The following IMMP2L variants were observed in gnomAD, a reference collection of about 807,000 sequenced individuals.
IMMP2L encodes the protein inner mitochondrial membrane peptidase subunit 2.
A neutral mutation model predicts 19.3 loss-of-function variants in IMMP2L; 18 were observed. The ratio of observed to expected loss-of-function variants is 0.93; its 90% confidence interval spans 0.64 to 1.38. IMMP2L has a LOEUF of 1.38. Among genes scored for constraint, IMMP2L ranks in the 40% most tolerant of loss-of-function variants. IMMP2L has a pLI of 0.00. For missense variants in IMMP2L, 233 were observed against 218.2 expected (o/e 1.07, Z -0.43); for synonymous variants, 76 against 73.0 (o/e 1.04, Z -0.21).
intron 3 of IMMP2L, among the ~76,000 whole-genome samples, chr7:111,208,693 G>A (rs1337447532): frequency 1.3e-5 from 2 of 152,172 alleles, no homozygotes; most frequent in African/African-American, 4.8e-5. Context: ...AGTACACACG[G>A]ATGGGAGGCT....
At chr7:111,452,932 A>G (rs1218124524) in intron 3 of IMMP2L, among the ~76,000 whole-genome samples, 1 of 152,138 alleles carries the variant, frequency 6.6e-6, no homozygotes, top group Non-Finnish European at 1.5e-5. Flanking sequence ...GCAGGGATCT[A>G]CATCATTTTG....
At chr7:111,425,302 T>C (rs764076992) in intron 3 of IMMP2L, among the ~76,000 whole-genome samples, 59 of 144,980 alleles carry the variant, frequency 4.1e-4, no homozygotes, top group Non-Finnish European at 7.9e-4. Flanking sequence ...TGGGATGATG[T>C]TAATGTTCTG....
At chr7:111,073,711 T>C (rs1795152453) in intron 3 of IMMP2L, among the ~76,000 whole-genome samples, 2 of 152,194 alleles carry the variant, frequency 1.3e-5, no homozygotes, top group African/African-American at 4.8e-5. Flanking sequence ...AGAGGCATCT[T>C]CTGTTAACTC....
chr7:111,191,431 T>TACACACACACACAC (rs57414194), intron 3 of IMMP2L, among the ~76,000 whole-genome samples: 110 of 146,764 alleles, frequency 7.5e-4, no homozygotes, highest in Non-Finnish European at 9.6e-4. Flanking sequence ...GCTGCTCAAA[T>TACACACACACACAC]ACACACACAC....
chr7:111,393,960 T>G (rs922716757), intron 3 of IMMP2L, among the ~76,000 whole-genome samples: 1 of 152,124 alleles, frequency 6.6e-6, no homozygotes, highest in Admixed American at 6.6e-5. Context: ...TTTTCAAAAT[T>G]TCCTCCTTTA....
intron 3 of IMMP2L, among the ~76,000 whole-genome samples, chr7:111,021,779 A>T (rs550338324): frequency 6.6e-6 from 1 of 152,290 alleles, no homozygotes; most frequent in Non-Finnish European, 1.5e-5. Flanking sequence ...GCTACTCAGG[A>T]GGCTGAGGCA....
chr7:110,982,641 T>G (rs1011814394), intron 3 of IMMP2L, among the ~76,000 whole-genome samples: 1 of 152,118 alleles, frequency 6.6e-6, no homozygotes, highest in African/African-American at 2.4e-5. Flanking sequence ...CCACTGTGAC[T>G]GTACAAGTAT....
chr7:111,051,737 A>G (rs1272514805), intron 3 of IMMP2L, among the ~76,000 whole-genome samples: 1 of 152,226 alleles, frequency 6.6e-6, no homozygotes, highest in East Asian at 1.9e-4. Flanking sequence ...ATACATTGAA[A>G]CATTCTTTTA....
chr7:111,227,348 T>G (rs1028768563), intron 3 of IMMP2L, among the ~76,000 whole-genome samples: 1 of 152,120 alleles, frequency 6.6e-6, no homozygotes, highest in Non-Finnish European at 1.5e-5. Flanking sequence ...TTCCCAAACT[T>G]CTTCTTCCAA....
intron 3 of IMMP2L, among the ~76,000 whole-genome samples, chr7:111,385,772 G>A (rs1357292770): frequency 1.3e-5 from 2 of 152,116 alleles, no homozygotes; most frequent in Non-Finnish European, 2.9e-5. Flanking sequence ...CCAGGTCACT[G>A]TCTTCATCTA....
At chr7:111,148,302 C>T (rs1460836737) in intron 3 of IMMP2L, among the ~76,000 whole-genome samples, 1 of 151,970 alleles carries the variant, frequency 6.6e-6, no homozygotes, top group Non-Finnish European at 1.5e-5. Context: ...ATAGTGAAAA[C>T]AGGCAAATCT....
In IMMP2L at chr7:110,694,195, G is replaced by GA. The variant is rs201604392; in HGVS notation, c.409-30475dup. The stretch of plus-strand genomic sequence containing the variant: ...ATTCAAGTTTTTACCTTTGAACAAA[G>GA]AAAAAAAAATAACATACAAGTGAAT... On this transcript the variant is annotated intron_variant, in intron 5 of 5. Coordinates refer to ENST00000405709, the MANE Select transcript of IMMP2L (RefSeq NM_032549.4). Among the ~76,000 whole-genome samples the GA allele has an allele frequency of 5.2e-3, 774 of 150,042 alleles. 6 individuals are homozygous for GA. The highest frequency in any genetic ancestry group is 0.018 in the African/African-American group (721 of 40,920).
chr7:111,220,672 C>T (rs1812416291), intron 3 of IMMP2L, among the ~76,000 whole-genome samples: 1 of 151,776 alleles, frequency 6.6e-6, no homozygotes, highest in Non-Finnish European at 1.5e-5. Flanking sequence ...GATATACACA[C>T]ACATATATTT....
chr7:111,387,847 G>A (rs542665100), intron 3 of IMMP2L, among the ~76,000 whole-genome samples: 8 of 151,394 alleles, frequency 5.3e-5, no homozygotes, highest in Non-Finnish European at 8.9e-5. Context: ...ATGGTGGCGC[G>A]TGCCTGCAGT....
intron 3 of IMMP2L, among the ~76,000 whole-genome samples, chr7:111,299,791 A>G (rs1449097905): frequency 6.6e-6 from 1 of 151,992 alleles, no homozygotes. Context: ...ATACTTGCAT[A>G]TGGTCTGTTT....
In IMMP2L at chr7:111,359,543, C is replaced by T. The variant is rs148505223; in HGVS notation, c.239+127695G>A. On this transcript the variant is annotated intron_variant, in intron 3 of 5. Transcript: ENST00000405709. ...TCTGGAACTCCTGACCCCAAGTAAC[C>T]CACCTGCCTCAGCCTCCCAAAGTGC... Among the ~76,000 whole-genome samples, 902 of 152,012 alleles carry T rather than the reference C, an allele frequency of 5.9e-3. 17 individuals are homozygous for T. The highest frequency in any genetic ancestry group is 0.021 in the African/African-American group (854 of 41,468).
chr7:111,041,287 G>C (rs1230720536), intron 3 of IMMP2L, among the ~76,000 whole-genome samples: 1 of 151,964 alleles, frequency 6.6e-6, no homozygotes, highest in Admixed American at 6.6e-5. Context: ...CAGAAAAAAA[G>C]GCCTTGAAAT....
In IMMP2L at chr7:110,698,379, T is replaced by C. The variant is rs189792012; in HGVS notation, c.409-34658A>G. Reference sequence around the variant, plus strand: ...CAGTATACAATGTAATTTAATATTATCCCTTAATAATAATACTTAAGTAGC... The same window carrying C: ...CAGTATACAATGTAATTTAATATTACCCCTTAATAATAATACTTAAGTAGC... On this transcript the variant is annotated intron_variant, in intron 5 of 5. Transcript: ENST00000405709. 3.7e-4 allele frequency among the ~76,000 whole-genome samples: 57 copies of C among 152,296 alleles called. 1 individual carries two copies. The highest frequency in any genetic ancestry group is 1.4e-3 in the African/African-American group (57 of 41,558).
intron 3 of IMMP2L, among the ~76,000 whole-genome samples, chr7:111,462,542 T>C (rs1370983707): frequency 6.6e-6 from 1 of 152,158 alleles, no homozygotes; most frequent in Non-Finnish European, 1.5e-5. Context: ...GAATACATAA[T>C]AGTTGTATTT....
Sources: gnomAD v4.1 joint callset for allele counts (sites outside exome capture counted in the v4.1 genomes callset) on GRCh38, gnomAD v4.1.1 for gene constraint, MANE v1.5 for transcripts, NCBI Gene and HGNC (gene_info 2026-07-23, HGNC 2026-07-21) for gene names.